The following MASP1 variants were observed in gnomAD, a reference collection of about 807,000 sequenced individuals.
MASP1 encodes mannan-binding lectin serine protease 1.
MASP1 carries 59 observed loss-of-function variants against 77.1 expected under a neutral mutation model. The ratio of observed to expected loss-of-function variants is 0.77; its 90% confidence interval spans 0.62 to 0.95. The LOEUF (loss-of-function observed/expected upper bound fraction) is 0.95, where lower values mean the gene tolerates loss of function less well. MASP1 is among the 40% of genes least tolerant of loss of function. The probability of loss-of-function intolerance (pLI) is 0.00; values close to 1 mark genes in which losing one functional copy is unlikely to be tolerated. For missense variants in MASP1, 885 were observed against 912.9 expected (o/e 0.97, Z 0.39); for synonymous variants, 362 against 354.5 (o/e 1.02, Z -0.24).
intron 14 of MASP1, chr3:187,221,236 C>A (rs1045048872): frequency 3.0e-5 from 23 of 770,004 alleles, no homozygotes; most frequent in Non-Finnish European, 2.3e-6. Flanking sequence ...CCTGGACGGA[C>A]CTGTGTCTAC....
In MASP1 at chr3:187,243,464, G is replaced by T; in HGVS notation, c.1228+20C>A. ...GAGAGTGTGAAACGGGAGTGGGATG[G>T]CTTAGCATGGATGGCTTACCTGTGT... On this transcript the variant is annotated intron_variant, in intron 9 of 10. Transcript: ENST00000296280. The T allele has an allele frequency of 1.9e-6, 3 of 1,613,948 alleles. No individual in the cohort carries two copies. Among genetic ancestry groups the T allele is most frequent in the Non-Finnish European group, 2.5e-6 (3 of 1,179,878 alleles).
At chr3:187,226,547 G>C in intron 11 of MASP1, 1 of 1,493,050 alleles carries the variant, frequency 6.7e-7, no homozygotes, top group Non-Finnish European at 9.2e-7. Flanking sequence ...ACGTCTCATC[G>C]TCCTGCACTA....
At chr3:187,247,093 T>G in intron 8 of MASP1, 1 of 1,416,568 alleles carries the variant, frequency 7.1e-7, no homozygotes. Context: ...AATCCCACAT[T>G]TTTTTTTCAT....
At chr3:187,232,234 C>A (rs1392367761), downstream of MASP1, among the ~76,000 whole-genome samples, 3 of 151,732 alleles carry the variant, frequency 2.0e-5, no homozygotes, top group Non-Finnish European at 4.4e-5. Flanking sequence ...CTTCCCCCCC[C>A]CCCCTTTTTT....
intron 14 of MASP1, among the ~76,000 whole-genome samples, chr3:187,222,309 G>A (rs1449754649): frequency 1.3e-5 from 2 of 152,150 alleles, no homozygotes; most frequent in African/African-American, 2.4e-5. Context: ...TGAGCCCAAG[G>A]GGGCCAGGGA....
chr3:187,219,629 T>C (rs1475228074), exon 16 of MASP1: 7 of 236,894 alleles, frequency 3.0e-5, no homozygotes, highest in Non-Finnish European at 5.1e-5. Context: ...CAGGGGTTTG[T>C]AAGAGAGCTT....
intron 8 of MASP1, chr3:187,246,513 G>A (rs1428849618): frequency 2.0e-6 from 2 of 985,350 alleles, no homozygotes; most frequent in South Asian, 4.7e-5. Flanking sequence ...CAAATAGATC[G>A]GGCAGTCCAT....
chr3:187,250,671 C>T (rs565156937), intron 7 of MASP1, among the ~76,000 whole-genome samples: 2 of 152,298 alleles, frequency 1.3e-5, no homozygotes, highest in East Asian at 1.9e-4. Flanking sequence ...AAAACATAGG[C>T]TGCTGGGCTT....
intron 3 of MASP1, among the ~76,000 whole-genome samples, chr3:187,261,962 T>C (rs942333670): frequency 5.3e-5 from 8 of 152,164 alleles, no homozygotes; most frequent in African/African-American, 1.9e-4. Flanking sequence ...AGTAAAAGAA[T>C]CCTCACCCCC....
intron 2 of MASP1, among the ~76,000 whole-genome samples, chr3:187,267,774 T>C (rs1716165245): frequency 1.3e-5 from 2 of 152,236 alleles, no homozygotes; most frequent in Admixed American, 1.3e-4. Flanking sequence ...TTAGGTAGAA[T>C]TGACTTATCA....
rs1181761743 is a variant in MASP1, at chr3:187,236,038, C to T, written c.1833G>A (p.Arg611=). Residue 611 remains arginine (R), a synonymous_variant, in exon 11 of 11, where the codon CGG becomes CGA. Transcript: ENST00000296280. ...TVDEIISSGT[R]TLSDVLQYVK... is the part of the protein sequence containing the mutation. ...CATACTGCAGGACATCTGACAAGGT[C>T]CGTGTGCCACTGCTGATGATCTCAT... is the stretch of plus-strand genomic sequence containing the variant. 5 of 1,614,070 alleles carry T rather than the reference C, an allele frequency of 3.1e-6. No individual in the cohort carries two copies. The highest frequency in any genetic ancestry group is 4.2e-6 in the Non-Finnish European group (5 of 1,180,052).
At chr3:187,226,771 T>C (rs1167487860) in intron 11 of MASP1, among the ~76,000 whole-genome samples, 1 of 152,208 alleles carries the variant, frequency 6.6e-6, no homozygotes, top group African/African-American at 2.4e-5. Context: ...GTAAACAGGA[T>C]TTCAGGGATC....
downstream of MASP1, among the ~76,000 whole-genome samples, chr3:187,231,949 G>A (rs1401471921): frequency 3.3e-5 from 5 of 152,206 alleles, no homozygotes; most frequent in Non-Finnish European, 7.3e-5. Flanking sequence ...TGAGAAGGCT[G>A]GAGAGAGAGG....
intron 1 of MASP1, among the ~76,000 whole-genome samples, chr3:187,289,501 G>A (rs1292584593): frequency 6.6e-6 from 1 of 152,184 alleles, no homozygotes; most frequent in African/African-American, 2.4e-5. Context: ...CCCATATCAT[G>A]CCCAGGCATC....
chr3:187,250,271 T>TTAC lies in MASP1; in HGVS notation c.1067_1069dup (p.Ser356dup). 6 of 1,613,898 alleles carry TTAC rather than the reference T, an allele frequency of 3.7e-6. No individual in the cohort carries two copies. Among genetic ancestry groups the TTAC allele is most frequent in the Non-Finnish European group, 5.1e-6 (6 of 1,179,772 alleles). Reference sequence around the variant, plus strand: ...CTTACTTTTACAGGTGGGAATCTTGTTACTCCACGTCCCATCCTTCAGACA... The same window carrying TTAC: ...CTTACTTTTACAGGTGGGAATCTTGTTACTACTCCACGTCCCATCCTTCAGACA... On this transcript the variant is annotated inframe_insertion, in exon 8 of 11. Transcript: ENST00000296280.
chr3:187,238,563 G>T (rs1158155303), intron 10 of MASP1, among the ~76,000 whole-genome samples: 3 of 152,174 alleles, frequency 2.0e-5, no homozygotes, highest in African/African-American at 4.8e-5. Flanking sequence ...GCTGAAGCCA[G>T]ATTTGGGTTC....
chr3:187,253,016 G>C (rs1325396523), intron 6 of MASP1, 152 bp downstream of exon 6: 3 of 896,856 alleles, frequency 3.3e-6, no homozygotes, highest in Non-Finnish European at 5.3e-6. Flanking sequence ...ACTGAGTCAG[G>C]AGAAAGCACG....
chr3:187,246,903 A>G (rs755574078), intron 8 of MASP1: 4 of 1,046,986 alleles, frequency 3.8e-6, no homozygotes, highest in Non-Finnish European at 4.6e-6. Context: ...ATACCTTCAG[A>G]TTCATAAAGT....
At chr3:187,259,369 C>T (rs922335832) in intron 4 of MASP1, among the ~76,000 whole-genome samples, 3 of 152,072 alleles carry the variant, frequency 2.0e-5, no homozygotes, top group East Asian at 3.8e-4. Flanking sequence ...CTCATGGGGG[C>T]GATCTTGCCC....
Sources: allele counts gnomAD v4.1 joint callset (sites outside exome capture counted in the v4.1 genomes callset), GRCh38; gene constraint gnomAD v4.1.1; transcripts MANE v1.5; gene names NCBI Gene and HGNC (gene_info 2026-07-23, HGNC 2026-07-21).